CAMTA1: variants seen among roughly 807,000 people sequenced by gnomAD.
The protein encoded by CAMTA1 is calmodulin binding transcription activator 1, also known as calmodulin-binding transcription activator 1.
Under a neutral mutation model 170.9 loss-of-function variants are expected in CAMTA1, and 27 were observed. The ratio of observed to expected loss-of-function variants is 0.16; its 90% CI spans 0.12 to 0.22. The LOEUF (loss-of-function observed/expected upper bound fraction) is 0.22, where lower values mean the gene tolerates loss of function less well. Among genes scored for constraint, CAMTA1 ranks in the 10% least tolerant of loss-of-function variants. The probability of loss-of-function intolerance (pLI) is 1.00; values close to 1 mark genes in which losing one functional copy is unlikely to be tolerated. For synonymous variants in CAMTA1, 833 were observed against 891.5 expected (o/e 0.93, Z 1.17); for missense variants, 1,619 against 2,217.2 (o/e 0.73, Z 5.42).
chr1:7,522,896 C>T (rs1476601273), intron 6 of CAMTA1, among the ~76,000 whole-genome samples: 24 of 152,166 alleles, frequency 1.6e-4, no homozygotes, highest in Admixed American at 2.6e-4. Context: ...ACAGGAGCTT[C>T]GCTCTTGTTG....
At chr1:6,940,893 G>A (rs80235360) in intron 3 of CAMTA1, among the ~76,000 whole-genome samples, 2,922 of 30,990 alleles carry the variant, frequency 0.094, 335 homozygotes, top group Middle Eastern at 0.23. Flanking sequence ...CCTGACAGGT[G>A]GGCACTGTGC....
At chr1:7,238,292 T>C (rs974764568) in intron 4 of CAMTA1, among the ~76,000 whole-genome samples, 1 of 152,036 alleles carries the variant, frequency 6.6e-6, no homozygotes, top group African/African-American at 2.4e-5. Flanking sequence ...TTAGAGCAAA[T>C]GGGCTGAAGT....
At chr1:7,733,081 G>A (rs1204761473) in intron 12 of CAMTA1, among the ~76,000 whole-genome samples, 1 of 151,944 alleles carries the variant, frequency 6.6e-6, no homozygotes, top group Admixed American at 6.6e-5. Flanking sequence ...ACATCCCTGT[G>A]GTCCCAGCTA....
At chr1:7,228,544 A>G (rs1408785016) in intron 4 of CAMTA1, among the ~76,000 whole-genome samples, 2 of 151,548 alleles carry the variant, frequency 1.3e-5, no homozygotes, top group African/African-American at 2.4e-5. Context: ...ACTTTTGGAG[A>G]CTCTTCTAGA....
At position 7,664,849 on chromosome 1, in the gene CAMTA1, T is replaced by C. The variant is rs201459076; in HGVS notation, c.2302T>C (p.Ser768Pro). 3.3e-5 allele frequency: 54 copies of C among 1,613,330 alleles called. No individual in the cohort carries two copies. In the Admixed American group the frequency reaches 7.0e-4, roughly 21 times the overall value. Residue 768 changes from serine (S) to proline (P), a missense_variant, in exon 9 of 23, where the codon TCC (serine) becomes CCC (proline). Ser to Pro is a moderately conservative substitution (Grantham distance 74). Transcript: ENST00000303635. Reference sequence around the variant, plus strand: ...GCTCAGCCTGGACCACTTTGACATCTCCTTCAGCAACCAGTTCTCCGACCT... The same window carrying C: ...GCTCAGCCTGGACCACTTTGACATCCCCTTCAGCAACCAGTTCTCCGACCT... ...MELSLDHFDI[S>P]FSNQFSDLIN...
chr1:7,512,167 T>C (rs2094209889), intron 6 of CAMTA1, among the ~76,000 whole-genome samples: 1 of 152,254 alleles, frequency 6.6e-6, no homozygotes, highest in Admixed American at 6.5e-5. Flanking sequence ...ACTGAGCACC[T>C]GCTCTGTACC....
chr1:6,826,425 T>A (rs991543196), intron 3 of CAMTA1, among the ~76,000 whole-genome samples: 4 of 152,236 alleles, frequency 2.6e-5, no homozygotes, highest in Admixed American at 2.0e-4. Context: ...TTTCAGACAT[T>A]TTTAGACGTG....
intron 4 of CAMTA1, among the ~76,000 whole-genome samples, chr1:7,239,389 T>C (rs1664453478): frequency 6.6e-6 from 1 of 152,206 alleles, no homozygotes; most frequent in Non-Finnish European, 1.5e-5. Flanking sequence ...TGATTATTTC[T>C]TTGACTTTTT....
At chr1:7,465,291 G>T (rs2093184128) in intron 5 of CAMTA1, among the ~76,000 whole-genome samples, 1 of 152,140 alleles carries the variant, frequency 6.6e-6, no homozygotes, top group Admixed American at 6.5e-5. Flanking sequence ...AACCATTGGG[G>T]TAGCCCAGTG....
intron 1 of CAMTA1, among the ~76,000 whole-genome samples, chr1:6,811,116 G>A (rs566969938): frequency 2.0e-5 from 3 of 152,256 alleles, no homozygotes; most frequent in Admixed American, 6.5e-5. Context: ...AGTTGCCACC[G>A]ATAAATCCAT....
chr1:7,274,680 C>G (rs4481876), intron 5 of CAMTA1, among the ~76,000 whole-genome samples: 1 of 151,994 alleles, frequency 6.6e-6, no homozygotes, highest in Non-Finnish European at 1.5e-5. Flanking sequence ...AAACTATATA[C>G]TGTGTCATAA....
Position 7,641,298 on chromosome 1 carries a change from G to T in CAMTA1, c.664+745G>T, listed in dbSNP as rs759144368. The stretch of plus-strand genomic sequence containing the variant: ...ATGGGGGCTGTTTAGTGGTGGACAC[G>T]TAGCCCACGGGGTTCAGGGACATTG... On this transcript the variant is annotated intron_variant, in intron 7 of 22. Coordinates refer to ENST00000303635, the MANE Select transcript of CAMTA1 (RefSeq NM_015215.4). The surrounding 1 kb of genome is among the most constrained non-coding windows in gnomAD (Gnocchi z 4.5). Among the ~76,000 whole-genome samples the T allele has an allele frequency of 7.2e-5, 11 of 152,306 alleles. No individual in the cohort carries two copies. The highest frequency in any genetic ancestry group is 2.1e-4 in the South Asian group (1 of 4,826).
At chr1:7,237,086 G>C (rs965273525) in intron 4 of CAMTA1, among the ~76,000 whole-genome samples, 3 of 152,178 alleles carry the variant, frequency 2.0e-5, no homozygotes, top group Non-Finnish European at 4.4e-5. Context: ...TGGCAGGAGC[G>C]ATAGGACCAA....
At position 7,463,691 on chromosome 1, in the gene CAMTA1, G is replaced by A. The variant is rs2093145423; in HGVS notation, c.439-4139G>A. Among the ~76,000 whole-genome samples the A allele has an allele frequency of 6.6e-6, 1 of 152,156 alleles. No homozygotes were observed. Among genetic ancestry groups the A allele is most frequent in the Non-Finnish European group, 1.5e-5 (1 of 68,026 alleles). On this transcript the variant is annotated intron_variant, in intron 5 of 22. Transcript: ENST00000303635. This position sits in a 1 kb window ranked among gnomAD's most constrained non-coding sequence, Gnocchi z 4.7. ...GAAACAGATGGTGGGAGTAGGTGGG[G>A]GCAGAAATCTGCTGCGTCAGATGAG... is the stretch of plus-strand genomic sequence containing the variant.
Position 7,113,192 on chromosome 1 carries a change from C to T in CAMTA1, c.302+21821C>T, listed in dbSNP as rs1644167170. 6.6e-6 allele frequency among the ~76,000 whole-genome samples: 1 copy of T among 152,234 alleles called. No individual in the cohort carries two copies. Among genetic ancestry groups the T allele is most frequent in the African/African-American group, 2.4e-5 (1 of 41,460 alleles). On this transcript the variant is annotated intron_variant, in intron 4 of 22. Transcript: ENST00000303635. This position sits in a 1 kb window ranked among gnomAD's most constrained non-coding sequence, Gnocchi z 4.5. ...TAAGGCCAGAATCATCCTTTTCTGT[C>T]AGAAGCCACAGACAGAGGCTGGATC...
At chr1:7,332,923 C>A (rs921707870) in intron 5 of CAMTA1, among the ~76,000 whole-genome samples, 1 of 152,236 alleles carries the variant, frequency 6.6e-6, no homozygotes, top group South Asian at 2.1e-4. Context: ...GAAAGCTGAC[C>A]GTAGGCTTGA....
At chr1:6,919,690 G>T (rs897840046) in intron 3 of CAMTA1, among the ~76,000 whole-genome samples, 1 of 152,178 alleles carries the variant, frequency 6.6e-6, no homozygotes, top group South Asian at 2.1e-4. Context: ...GGTTTAATTG[G>T]ACTCACAGTT....
At chr1:6,798,810 A>G (rs1196480459) in intron 1 of CAMTA1, among the ~76,000 whole-genome samples, 2 of 151,280 alleles carry the variant, frequency 1.3e-5, no homozygotes, top group Non-Finnish European at 2.9e-5. Flanking sequence ...GTTAGCCAGG[A>G]TGGTCTCTAT....
At chr1:7,458,171 C>A (rs576499898) in intron 5 of CAMTA1, among the ~76,000 whole-genome samples, 1 of 152,318 alleles carries the variant, frequency 6.6e-6, no homozygotes. Flanking sequence ...AACCAACCTT[C>A]ATGGCCAGAC....
Sources: gnomAD v4.1 joint callset for allele counts (sites outside exome capture counted in the v4.1 genomes callset) on GRCh38, gnomAD v4.1.1 for gene constraint, Gnocchi (gnomAD v3.1) non-coding constraint, MANE v1.5 for transcripts, NCBI Gene and HGNC (gene_info 2026-07-23, HGNC 2026-07-21) for gene names.